Variants in RAB2A observed in about 807,000 individuals in gnomAD.
The protein encoded by RAB2A is RAB2A, member RAS oncogene family.
In RAB2A, 7 loss-of-function variants were observed where a neutral mutation model predicts 32.5. That is an observed-to-expected ratio of 0.22 (90% CI 0.12 to 0.40). RAB2A has a LOEUF of 0.40. RAB2A is among the 10% of genes least tolerant of loss of function. RAB2A has a pLI of 1.00. For synonymous variants in RAB2A, 79 were observed against 85.2 expected (o/e 0.93, Z 0.40); for missense variants, 108 against 260.7 (o/e 0.41, Z 4.03).
intron 6 of RAB2A, among the ~76,000 whole-genome samples, chr8:60,598,959 A>G (rs993951907): frequency 1.4e-5 from 2 of 147,304 alleles, no homozygotes; most frequent in African/African-American, 2.6e-5. Context: ...AAAAAAAAAA[A>G]AAAAAAAGAA....
intron 1 of RAB2A, among the ~76,000 whole-genome samples, chr8:60,518,706 T>C (rs955347883): frequency 6.7e-6 from 1 of 149,304 alleles, no homozygotes; most frequent in Non-Finnish European, 1.5e-5. Flanking sequence ...TGCGTGCGTG[T>C]GTGTGTGTGT....
chr8:60,599,706 T>A (rs1441862343), intron 6 of RAB2A, among the ~76,000 whole-genome samples: 1 of 152,090 alleles, frequency 6.6e-6, no homozygotes, highest in Non-Finnish European at 1.5e-5. Context: ...AATGGAACTC[T>A]AGCAGTTAGA....
chr8:60,574,735 T>C (rs974949040), intron 3 of RAB2A, among the ~76,000 whole-genome samples: 2 of 152,212 alleles, frequency 1.3e-5, no homozygotes, highest in Admixed American at 6.5e-5. Flanking sequence ...TTTTTGTTTT[T>C]GCTTGAGTTG....
intron 1 of RAB2A, among the ~76,000 whole-genome samples, chr8:60,546,496 G>A (rs78547193): frequency 0.011 from 1,633 of 152,164 alleles, 29 homozygotes; most frequent in African/African-American, 0.037. Flanking sequence ...AGTTTTGGTT[G>A]GTAAAGGAAT....
At position 60,526,020 on chromosome 8, in the gene RAB2A, CATATATATATATAT is replaced by C. The variant is rs146162692; in HGVS notation, c.46+8791_46+8804del. ...CTATATGTATATATGTGTGTGTGTA[CATATATATATATAT>C]ATATATATATATATATATATATAAG... On this transcript the variant is annotated intron_variant, in intron 1 of 7. Coordinates refer to ENST00000262646, the MANE Select transcript of RAB2A (RefSeq NM_002865.3). 7.9e-4 allele frequency among the ~76,000 whole-genome samples: 73 copies of C among 92,344 alleles called. 1 individual carries two copies. The highest frequency in any genetic ancestry group is 4.3e-3 in the East Asian group (12 of 2,812). The allele number at this position is 92,344 out of a possible 152,430, so 60.6% of individuals were successfully genotyped here. A position where few individuals can be genotyped will look rare whatever the true frequency, so the allele number is the denominator to read the frequency against.
chr8:60,608,860 A>C (rs976183454), intron 6 of RAB2A, among the ~76,000 whole-genome samples: 4 of 151,822 alleles, frequency 2.6e-5, no homozygotes, highest in Admixed American at 2.0e-4. Context: ...TCTTTCTCTT[A>C]CCCCTTGACA....
Position 60,517,032 on chromosome 8 carries a change from G to A in RAB2A, c.-176G>A, listed in dbSNP as rs938411479. ...CGGGCGCTGTCTCCCTCGGCTCTGC[G>A]GGTGTCAGTTCGTCCGGCTTCCTCA... On this transcript the variant is annotated 5_prime_UTR_variant, in exon 1 of 8. Coordinates refer to ENST00000262646, the MANE Select transcript of RAB2A (RefSeq NM_002865.3). 3.7e-6 allele frequency: 2 copies of A among 537,016 alleles called. No homozygotes were observed. Among genetic ancestry groups the A allele is most frequent in the African/African-American group, 2.0e-5 (1 of 49,594 alleles). 33.3% of individuals were successfully genotyped at this position (537,016 alleles called of 1,614,324 possible). A position where few individuals can be genotyped will look rare whatever the true frequency, so the allele number is the denominator to read the frequency against.
At chr8:60,603,658 C>T (rs563639739) in intron 6 of RAB2A, among the ~76,000 whole-genome samples, 1 of 152,240 alleles carries the variant, frequency 6.6e-6, no homozygotes, top group South Asian at 2.1e-4. Flanking sequence ...AAATGAAGCA[C>T]CCACTCAGCA....
chr8:60,621,606 C>T lies in RAB2A; in HGVS notation c.*837C>T, dbSNP rs1804527876. The T allele has an allele frequency of 6.6e-6, 1 of 152,146 alleles. No homozygotes were observed. The allele number at this position is 152,146 out of a possible 1,614,324, so 9.4% of individuals were successfully genotyped here. A position where few individuals can be genotyped will look rare whatever the true frequency, so the allele number is the denominator to read the frequency against. On this transcript the variant is annotated 3_prime_UTR_variant, in exon 8 of 8. Transcript: ENST00000262646. ...GGGCAGAAGCAAGAAATTTCTACAT[C>T]TTAGCGACTCCAAGAAGAATGAGTA...
intron 3 of RAB2A, 118 bp downstream of exon 3, chr8:60,572,231 G>A: frequency 1.5e-6 from 1 of 664,948 alleles, no homozygotes; most frequent in South Asian, 1.8e-5. Flanking sequence ...CTGACTTCCT[G>A]CAGCCATGAG....
intron 1 of RAB2A, among the ~76,000 whole-genome samples, chr8:60,524,499 A>G (rs1807349097): frequency 6.6e-6 from 1 of 152,178 alleles, no homozygotes; most frequent in Non-Finnish European, 1.5e-5. Flanking sequence ...AAACTGTCCC[A>G]TTTGATTTCA....
At chr8:60,571,772 T>C (rs1238964865) in intron 2 of RAB2A, among the ~76,000 whole-genome samples, 1 of 152,178 alleles carries the variant, frequency 6.6e-6, no homozygotes, top group Non-Finnish European at 1.5e-5. Context: ...TTTATGTTAC[T>C]GAGCCTGCAA....
chr8:60,569,801 C>A, intron 2 of RAB2A: 1 of 328,274 alleles, frequency 3.0e-6, no homozygotes, highest in South Asian at 2.3e-5. Context: ...CCACACTGAG[C>A]CTCTGGGCCC....
chr8:60,546,780 A>C lies in RAB2A; in HGVS notation c.47-12072A>C, dbSNP rs375128005. ...AAGGCCAAGTAGTTTTTCCAAAATC[A>C]CCCAGGTAGTGCTTTTAACCACTAC... On this transcript the variant is annotated intron_variant, in intron 1 of 7. Coordinates refer to ENST00000262646, the MANE Select transcript of RAB2A (RefSeq NM_002865.3). Among the ~76,000 whole-genome samples the C allele has an allele frequency of 2.6e-5, 4 of 151,838 alleles. 1 individual carries two copies. In the South Asian group the frequency reaches 8.3e-4, roughly 31 times the overall value.
chr8:60,535,374 G>A (rs1807542072), intron 1 of RAB2A, among the ~76,000 whole-genome samples: 1 of 152,162 alleles, frequency 6.6e-6, no homozygotes, highest in African/African-American at 2.4e-5. Flanking sequence ...TATCCTTCCA[G>A]AAATTTTCTG....
At chr8:60,600,176 A>C (rs1804109529) in intron 6 of RAB2A, among the ~76,000 whole-genome samples, 1 of 152,208 alleles carries the variant, frequency 6.6e-6, no homozygotes, top group South Asian at 2.1e-4. Flanking sequence ...GATCTTTGAC[A>C]TCAGTAGCCA....
At chr8:60,524,308 T>C (rs1164624718) in intron 1 of RAB2A, among the ~76,000 whole-genome samples, 2 of 152,346 alleles carry the variant, frequency 1.3e-5, no homozygotes, top group African/African-American at 4.8e-5. Context: ...TGATGTTTTA[T>C]TTGAGCAGAC....
chr8:60,537,152 G>A (rs1807569954), intron 1 of RAB2A, among the ~76,000 whole-genome samples: 2 of 152,134 alleles, frequency 1.3e-5, no homozygotes, highest in East Asian at 3.8e-4. Context: ...GGATTCATGT[G>A]TGTAAATGCA....
intron 6 of RAB2A, among the ~76,000 whole-genome samples, chr8:60,615,276 G>C (rs1804429798): frequency 6.6e-6 from 1 of 152,066 alleles, no homozygotes; most frequent in Admixed American, 6.6e-5. Flanking sequence ...GCTATTTTAG[G>C]TATTGTGCTA....
Sources: gnomAD v4.1 joint callset for allele counts (sites outside exome capture counted in the v4.1 genomes callset) on GRCh38, gnomAD v4.1.1 for gene constraint, MANE v1.5 for transcripts, NCBI Gene and HGNC (gene_info 2026-07-23, HGNC 2026-07-21) for gene names.